The following LIMCH1 variants were observed in gnomAD, a reference collection of about 807,000 sequenced individuals.
LIMCH1 encodes LIM and calponin homology domains 1, also known as LIM and calponin homology domains-containing protein 1.
Under a neutral mutation model 176.5 loss-of-function variants are expected in LIMCH1, and 113 were observed. The observed-to-expected ratio is 0.64, with a 90% CI of 0.55 to 0.75. LIMCH1 has a LOEUF of 0.75. Ranked by LOEUF, LIMCH1 falls within the 30% of genes least tolerant of loss-of-function variation. LIMCH1 has a pLI of 0.00. For missense variants in LIMCH1, 1,674 were observed against 1,814.9 expected (o/e 0.92, Z 1.41); for synonymous variants, 619 against 645.9 (o/e 0.96, Z 0.63).
chr4:41,508,409 G>C (rs2074436108), intron 2 of LIMCH1, among the ~76,000 whole-genome samples: 1 of 152,202 alleles, frequency 6.6e-6, no homozygotes, highest in African/African-American at 2.4e-5. Context: ...GTTTGGGCAG[G>C]ATGAGTTCGG....
intron 1 of LIMCH1, among the ~76,000 whole-genome samples, chr4:41,365,855 C>T (rs190696703): frequency 3.9e-5 from 6 of 152,310 alleles, no homozygotes; most frequent in Admixed American, 3.3e-4. Flanking sequence ...CACTTCTTGC[C>T]CCGGCATCTC....
chr4:41,587,432 G>T (rs745622535), intron 1 of LIMCH1, among the ~76,000 whole-genome samples: 1 of 152,194 alleles, frequency 6.6e-6, no homozygotes, highest in Non-Finnish European at 1.5e-5. Flanking sequence ...AAGAGAGTCA[G>T]TCCTCTGACG....
chr4:41,637,796 A>G (rs1328363111), intron 13 of LIMCH1, among the ~76,000 whole-genome samples: 2 of 152,228 alleles, frequency 1.3e-5, no homozygotes, highest in Non-Finnish European at 2.9e-5. Flanking sequence ...ATGTGTGTGT[A>G]CACTCATGCA....
At chr4:41,562,116 A>G (rs2082144546) in intron 1 of LIMCH1, among the ~76,000 whole-genome samples, 1 of 152,192 alleles carries the variant, frequency 6.6e-6, no homozygotes, top group Admixed American at 6.5e-5. Context: ...TCCTGGTGCC[A>G]GGGCCAGATA....
At chr4:41,525,049 T>G (rs989202009) in intron 3 of LIMCH1, among the ~76,000 whole-genome samples, 1 of 152,244 alleles carries the variant, frequency 6.6e-6, no homozygotes, top group Non-Finnish European at 1.5e-5. Flanking sequence ...ATCTAAAACT[T>G]ACATGTTCAT....
chr4:41,393,020 ACT>A (rs1382628294), intron 1 of LIMCH1, among the ~76,000 whole-genome samples: 11 of 152,016 alleles, frequency 7.2e-5, no homozygotes, highest in Non-Finnish European at 1.0e-4. Context: ...AGAGAGCAAG[ACT>A]CTGTCTCAAA....
intron 1 of LIMCH1, among the ~76,000 whole-genome samples, chr4:41,580,920 A>G (rs2085300552): frequency 1.3e-5 from 2 of 152,326 alleles, no homozygotes; most frequent in Non-Finnish European, 2.9e-5. Flanking sequence ...GCAGAAAAGG[A>G]TGATTTTTCA....
intron 2 of LIMCH1, among the ~76,000 whole-genome samples, chr4:41,511,995 C>A (rs1403296374): frequency 6.6e-6 from 1 of 152,010 alleles, no homozygotes; most frequent in African/African-American, 2.4e-5. Flanking sequence ...AAAATATTTG[C>A]AAATCATATA....
chr4:41,426,310 T>C (rs56002937), intron 1 of LIMCH1, among the ~76,000 whole-genome samples: 26,702 of 152,132 alleles, frequency 0.18, 4,615 homozygotes, highest in African/African-American at 0.44. Context: ...CGTGAGCCAC[T>C]GCGCCCGGCC....
intron 1 of LIMCH1, among the ~76,000 whole-genome samples, chr4:41,374,178 A>G (rs925155023): frequency 1.3e-5 from 2 of 152,092 alleles, no homozygotes; most frequent in Non-Finnish European, 2.9e-5. Context: ...AGGGATATTG[A>G]TGAGGGGGAA....
At chr4:41,547,035 C>CA (rs1561702607) in intron 1 of LIMCH1, among the ~76,000 whole-genome samples, 1 of 152,048 alleles carries the variant, frequency 6.6e-6, no homozygotes, top group African/African-American at 2.4e-5. Context: ...TTTTAATTGA[C>CA]AAGTAATAAT....
In LIMCH1 at chr4:41,646,533, C is replaced by A. The variant is rs61743760; in HGVS notation, c.2460C>A (p.Ser820=). 2 of 1,613,998 alleles carry A rather than the reference C, an allele frequency of 1.2e-6. No homozygotes were observed. Among genetic ancestry groups the A allele is most frequent in the Admixed American group, 3.3e-5 (2 of 60,012 alleles). Residue 820 remains serine, a synonymous_variant, in exon 17 of 32, where the codon TCC becomes TCA. Coordinates refer to ENST00000503057, the MANE Select transcript of LIMCH1 (RefSeq NM_001330672.2). ...ATGAAGCATATAAGAACGCTCGGTC[C>A]CAGGAGGAGGCAGAGGGGATCCTTC... ...ELHEAYKNAR[S]QEEAEGILQQ...
intron 15 of LIMCH1, among the ~76,000 whole-genome samples, 180 bp downstream of exon 15, chr4:41,644,806 G>C (rs1201058742): frequency 6.6e-6 from 1 of 152,150 alleles, no homozygotes; most frequent in Non-Finnish European, 1.5e-5. Context: ...AAGGTATGGA[G>C]TGATGGCCCA....
At chr4:41,429,770 C>G (rs1355811285) in intron 1 of LIMCH1, among the ~76,000 whole-genome samples, 1 of 152,162 alleles carries the variant, frequency 6.6e-6, no homozygotes, top group Non-Finnish European at 1.5e-5. Context: ...ACACCATTTT[C>G]TTTATTGGCT....
At chr4:41,644,741 T>C (rs13101981) in intron 15 of LIMCH1, 115 bp downstream of exon 15, 1 of 1,275,484 alleles carries the variant, frequency 7.8e-7, no homozygotes, top group Admixed American at 2.9e-5. Flanking sequence ...CCCTAGAGGG[T>C]TTCAAAAGGT....
chr4:41,398,824 G>T (rs2058077547), intron 1 of LIMCH1, among the ~76,000 whole-genome samples: 1 of 152,090 alleles, frequency 6.6e-6, no homozygotes, highest in Non-Finnish European at 1.5e-5. Context: ...CTTTGAGGTG[G>T]GATACTGACG....
rs1161439582 is a variant in LIMCH1, at chr4:41,697,458, T to G, written c.*273T>G. On this transcript the variant is annotated 3_prime_UTR_variant, in exon 32 of 32. Transcript: ENST00000503057. ...GAATAGCTCAAAAAAGGTTTTAGCA[T>G]GGTCAAACAGGCTTATGGTTTAAAA... 6 of 407,838 alleles carry G rather than the reference T, an allele frequency of 1.5e-5. No homozygotes were observed. The East Asian group carries it at 1.8e-4, about 12-fold the overall frequency. 25.3% of individuals were successfully genotyped at this position (407,838 alleles called of 1,614,324 possible).
Position 41,605,938 on chromosome 4 carries a change from C to A in LIMCH1, c.-58C>A. 1 of 1,613,760 alleles carries A rather than the reference C, an allele frequency of 6.2e-7. No individual in the cohort carries two copies. The highest frequency in any genetic ancestry group is 8.5e-7 in the Non-Finnish European group (1 of 1,179,738). On this transcript the variant is annotated 5_prime_UTR_variant, in exon 4 of 32. Coordinates refer to ENST00000503057, the MANE Select transcript of LIMCH1 (RefSeq NM_001330672.2). ...GGCTGGGAAAAGCAGCAAACAGCTG[C>A]ACATCCTACAGCGGAACGACACTAA...
intron 1 of LIMCH1, among the ~76,000 whole-genome samples, chr4:41,549,182 G>C (rs929255896): frequency 2.6e-5 from 4 of 152,128 alleles, no homozygotes; most frequent in Admixed American, 2.6e-4. Flanking sequence ...ACGGGCCACT[G>C]TGCTGGGCCT....
Sources: gnomAD v4.1 joint callset for allele counts (sites outside exome capture counted in the v4.1 genomes callset) on GRCh38, gnomAD v4.1.1 for gene constraint, MANE v1.5 for transcripts, NCBI Gene and HGNC (gene_info 2026-07-23, HGNC 2026-07-21) for gene names.